The following DNAJB6 variants were observed in gnomAD, a reference collection of about 807,000 sequenced individuals.
DNAJB6 encodes the protein dnaJ homolog subfamily B member 6.
Under a neutral mutation model 42.7 loss-of-function variants are expected in DNAJB6, and 16 were observed. The ratio of observed to expected loss-of-function variants is 0.37; its 90% CI spans 0.25 to 0.57. The LOEUF is 0.57. Among genes scored for constraint, DNAJB6 ranks in the 20% least tolerant of loss-of-function variants. The probability of loss-of-function intolerance (pLI) is 0.74; values close to 1 mark genes in which losing one functional copy is unlikely to be tolerated. For synonymous variants in DNAJB6, 170 were observed against 163.5 expected (o/e 1.04, Z -0.30); for missense variants, 347 against 416.8 (o/e 0.83, Z 1.46).
intron 2 of DNAJB6, among the ~76,000 whole-genome samples, chr7:157,362,065 CT>C (rs202239058): frequency 0.019 from 2,878 of 151,290 alleles, 33 homozygotes; most frequent in Non-Finnish European, 0.031. Context: ...TGCACCCGGC[CT>C]TTTTTTTTGT....
At chr7:157,410,754 A>G (rs1015395219) in intron 9 of DNAJB6, 1 of 152,294 alleles carries the variant, frequency 6.6e-6, no homozygotes, top group Admixed American at 6.5e-5. Context: ...GCAGGAAGAC[A>G]TGGATGGTTG....
At chr7:157,341,313 C>CG (rs1320578513) in intron 1 of DNAJB6, among the ~76,000 whole-genome samples, 1 of 151,570 alleles carries the variant, frequency 6.6e-6, no homozygotes. Flanking sequence ...TTAGTAGAGA[C>CG]GGGGGTTTCA....
intron 1 of DNAJB6, among the ~76,000 whole-genome samples, chr7:157,346,095 A>G (rs1247840019): frequency 1.3e-5 from 2 of 151,920 alleles, no homozygotes; most frequent in African/African-American, 2.4e-5. Flanking sequence ...GGGCCAGGAG[A>G]AGAGGGAAGT....
At chr7:157,406,310 T>G (rs1795765376) in intron 8 of DNAJB6, among the ~76,000 whole-genome samples, 1 of 152,228 alleles carries the variant, frequency 6.6e-6, no homozygotes, top group African/African-American at 2.4e-5. Flanking sequence ...CATCTCCACC[T>G]TCATCTTCTT....
chr7:157,393,238 A>G (rs1801432578), intron 8 of DNAJB6, among the ~76,000 whole-genome samples: 1 of 152,104 alleles, frequency 6.6e-6, no homozygotes, highest in Non-Finnish European at 1.5e-5. Context: ...TGGCCTCCCA[A>G]AGTGCTGGGA....
chr7:157,388,155 A>G (rs766192490), intron 8 of DNAJB6, among the ~76,000 whole-genome samples: 11 of 152,206 alleles, frequency 7.2e-5, no homozygotes, highest in Non-Finnish European at 1.2e-4. Flanking sequence ...TGAGAAAATT[A>G]CTTTTATTCT....
intron 8 of DNAJB6, among the ~76,000 whole-genome samples, chr7:157,389,974 AC>A (rs1289699650): frequency 6.6e-6 from 1 of 152,200 alleles, no homozygotes; most frequent in Admixed American, 6.5e-5. Flanking sequence ...TTTTCCCTGT[AC>A]CCTGATTGGG....
chr7:157,358,189 C>G (rs1368363100), intron 1 of DNAJB6, among the ~76,000 whole-genome samples: 1 of 152,202 alleles, frequency 6.6e-6, no homozygotes, highest in East Asian at 1.9e-4. Context: ...AAAGAGGTAA[C>G]TGACGTTCCC....
chr7:157,383,936 C>T (rs941923398), intron 6 of DNAJB6, among the ~76,000 whole-genome samples: 2 of 152,130 alleles, frequency 1.3e-5, no homozygotes, highest in Non-Finnish European at 2.9e-5. Context: ...AAATTAATGT[C>T]ACTAGTTTCT....
intron 1 of DNAJB6, among the ~76,000 whole-genome samples, chr7:157,357,951 G>A (rs1229441518): frequency 6.6e-6 from 1 of 152,236 alleles, no homozygotes; most frequent in East Asian, 1.9e-4. Context: ...ATGGATGGGA[G>A]CTTGGAACCA....
At chr7:157,408,974 C>T (rs1795870565) in intron 8 of DNAJB6, among the ~76,000 whole-genome samples, 1 of 152,228 alleles carries the variant, frequency 6.6e-6, no homozygotes, top group African/African-American at 2.4e-5. Context: ...GGAATCCCAC[C>T]ACCTGCGGCC....
At chr7:157,341,293 T>C (rs140399825) in intron 1 of DNAJB6, among the ~76,000 whole-genome samples, 1 of 151,812 alleles carries the variant, frequency 6.6e-6, no homozygotes, top group Non-Finnish European at 1.5e-5. Context: ...CCCGACTGAT[T>C]TTTGTATTTT....
At chr7:157,408,159 T>C (rs1795839699) in intron 8 of DNAJB6, among the ~76,000 whole-genome samples, 1 of 152,186 alleles carries the variant, frequency 6.6e-6, no homozygotes, top group South Asian at 2.1e-4. Flanking sequence ...TGTGCGTGCA[T>C]TCTCCTGGTG....
chr7:157,340,968 G>GTT (rs1233801091), intron 1 of DNAJB6, among the ~76,000 whole-genome samples: 1 of 79,706 alleles, frequency 1.3e-5, no homozygotes, highest in African/African-American at 6.1e-5. Context: ...ACCTGGCTGT[G>GTT]TGTGTGTGTG....
intron 6 of DNAJB6, among the ~76,000 whole-genome samples, chr7:157,383,615 G>GTT (rs570655577): frequency 2.5e-5 from 1 of 39,596 alleles, no homozygotes; most frequent in Admixed American, 3.3e-4. Flanking sequence ...GTGTGTTTGT[G>GTT]TGTGTGTGTG....
chr7:157,359,302 G>A (rs1799460965), intron 2 of DNAJB6, among the ~76,000 whole-genome samples: 1 of 152,202 alleles, frequency 6.6e-6, no homozygotes, highest in Non-Finnish European at 1.5e-5. Context: ...AAATAATGGA[G>A]TGTCTATACT....
chr7:157,397,986 T>C (rs1441443354), intron 8 of DNAJB6, among the ~76,000 whole-genome samples: 1 of 152,252 alleles, frequency 6.6e-6, no homozygotes, highest in Non-Finnish European at 1.5e-5. Flanking sequence ...CACTCCAGTC[T>C]GGGCAGCAGA....
At chr7:157,406,769 C>CT (rs1208779619) in intron 8 of DNAJB6, among the ~76,000 whole-genome samples, 1 of 152,256 alleles carries the variant, frequency 6.6e-6, no homozygotes, top group Non-Finnish European at 1.5e-5. Flanking sequence ...GAGGAGACGA[C>CT]ACAGGGAGCT....
intron 9 of DNAJB6, 53 bp from the exon 10 acceptor site, chr7:157,415,963 G>T: frequency 1.2e-6 from 2 of 1,608,650 alleles, no homozygotes; most frequent in Non-Finnish European, 1.7e-6. Flanking sequence ...TTTGGCTCTT[G>T]CTGGGGAAGC....
Sources: gnomAD v4.1 joint callset for allele counts (sites outside exome capture counted in the v4.1 genomes callset) on GRCh38, gnomAD v4.1.1 for gene constraint, MANE v1.5 for transcripts, NCBI Gene and HGNC (gene_info 2026-07-23, HGNC 2026-07-21) for gene names.